EBF4: variants seen among roughly 807,000 people sequenced by gnomAD.
EBF4 encodes the protein EBF transcription factor 4.
In EBF4, 34 loss-of-function variants were observed where a neutral mutation model predicts 67.1. The observed-to-expected ratio is 0.51, with a 90% confidence interval of 0.39 to 0.67. The LOEUF is 0.67. Ranked by LOEUF, EBF4 falls within the 30% of genes least tolerant of loss-of-function variation. The pLI, the probability that EBF4 is intolerant of heterozygous loss-of-function variation, is 0.00. For synonymous variants in EBF4, 387 were observed against 377.7 expected, an observed-to-expected ratio of 1.02 and a Z score of -0.29; for missense variants, 837 against 873.3, an observed-to-expected ratio of 0.96 and a Z score of 0.52.
intron 15 of EBF4, among the ~76,000 whole-genome samples, chr20:2,758,541 A>T (rs1174073820): frequency 6.6e-6 from 1 of 152,056 alleles, no homozygotes; most frequent in Non-Finnish European, 1.5e-5. Flanking sequence ...GGCACAGAGG[A>T]TGCTGTTGTG....
intron 6 of EBF4, among the ~76,000 whole-genome samples, chr20:2,724,891 G>C (rs1390980679): frequency 6.6e-6 from 1 of 152,164 alleles, no homozygotes; most frequent in African/African-American, 2.4e-5. Flanking sequence ...GCAACAGAGT[G>C]AGATCCTTTC....
At chr20:2,732,423 G>A (rs940870188) in intron 6 of EBF4, among the ~76,000 whole-genome samples, 5 of 152,198 alleles carry the variant, frequency 3.3e-5, no homozygotes. Context: ...CACCCGGACT[G>A]TTATTAGATA....
intron 6 of EBF4, among the ~76,000 whole-genome samples, chr20:2,726,806 A>G (rs371040719): frequency 1.1e-4 from 16 of 152,150 alleles, no homozygotes; most frequent in Non-Finnish European, 2.2e-4. Context: ...ATAACGTAAA[A>G]TTTTCCATCT....
At chr20:2,729,552 A>G (rs1425622496) in intron 6 of EBF4, among the ~76,000 whole-genome samples, 1 of 152,018 alleles carries the variant, frequency 6.6e-6, no homozygotes, top group Non-Finnish European at 1.5e-5. Flanking sequence ...CACACCCCAC[A>G]CTTCCTCCCC....
At chr20:2,744,822 A>G (rs1021732786) in intron 6 of EBF4, among the ~76,000 whole-genome samples, 5 of 152,148 alleles carry the variant, frequency 3.3e-5, no homozygotes, top group Non-Finnish European at 5.9e-5. Context: ...TAAATTTTCC[A>G]GTAGCCACAA....
In EBF4 at chr20:2,745,787, G is replaced by C. The variant is rs1023647645; in HGVS notation, c.558-2762G>C. Reference sequence around the variant, plus strand: ...GTGTGGAAGGATTTACCTACCCCGGGTCATGCAGAGAGTCCAGGCCTGGCC... The same window carrying C: ...GTGTGGAAGGATTTACCTACCCCGGCTCATGCAGAGAGTCCAGGCCTGGCC... On this transcript the variant is annotated intron_variant, in intron 6 of 16. Transcript: ENST00000609451. This position sits in a 1 kb window ranked among gnomAD's most constrained non-coding sequence, Gnocchi z 5.2. 6.6e-6 allele frequency among the ~76,000 whole-genome samples: 1 copy of C among 152,170 alleles called. No individual in the cohort carries two copies. The highest frequency in any genetic ancestry group is 2.1e-4 in the South Asian group (1 of 4,826).
intron 14 of EBF4, among the ~76,000 whole-genome samples, chr20:2,753,877 C>G (rs1027453477): frequency 1.8e-4 from 28 of 152,166 alleles, no homozygotes; most frequent in African/African-American, 6.5e-4. Flanking sequence ...CCCTGCCTCT[C>G]CTGGCTCTTT....
rs1175935585 is a variant in EBF4 at position 2,747,686 on chromosome 20, A to T, written c.558-863A>T. On this transcript the variant is annotated intron_variant, in intron 6 of 16. Coordinates refer to ENST00000609451, the Ensembl canonical transcript of EBF4. The surrounding 1 kb of genome is among the most constrained non-coding windows in gnomAD (Gnocchi z 4.6). ...GGTGAATTTGCTGGGGGCATCTGCT[A>T]TATGGGATGGCTTTACAGTATTTGC... is the stretch of plus-strand genomic sequence containing the variant. Among the ~76,000 whole-genome samples the T allele has an allele frequency of 6.6e-6, 1 of 152,178 alleles. No individual in the cohort carries two copies. Among genetic ancestry groups the T allele is most frequent in the East Asian group, 1.9e-4 (1 of 5,196 alleles).
At chr20:2,697,596 A>G (rs2087314784) in intron 1 of EBF4, among the ~76,000 whole-genome samples, 1 of 151,598 alleles carries the variant, frequency 6.6e-6, no homozygotes, top group Non-Finnish European at 1.5e-5. Context: ...GAGGGGCTGC[A>G]TACCCTTAAA....
chr20:2,726,238 G>A (rs2146434953), intron 6 of EBF4, among the ~76,000 whole-genome samples: 1 of 152,024 alleles, frequency 6.6e-6, no homozygotes, highest in East Asian at 1.9e-4. Flanking sequence ...GTTTTTCATG[G>A]GGAAATATGA....
intron 6 of EBF4, among the ~76,000 whole-genome samples, chr20:2,724,890 T>A (rs9974031): frequency 1.3e-5 from 2 of 152,152 alleles, no homozygotes; most frequent in Non-Finnish European, 2.9e-5. Context: ...GGCAACAGAG[T>A]GAGATCCTTT....
At chr20:2,715,903 C>T (rs2087602288) in intron 6 of EBF4, among the ~76,000 whole-genome samples, 1 of 152,076 alleles carries the variant, frequency 6.6e-6, no homozygotes, top group Admixed American at 6.5e-5. Context: ...CGCACGCCAT[C>T]ACACCCTGTT....
At chr20:2,698,295 A>C (rs959735785) in intron 1 of EBF4, among the ~76,000 whole-genome samples, 3 of 152,242 alleles carry the variant, frequency 2.0e-5, no homozygotes, top group Admixed American at 1.3e-4. Context: ...AGCAGGACCA[A>C]CTGGACACAG....
intron 6 of EBF4, among the ~76,000 whole-genome samples, chr20:2,746,672 T>A (rs1333905828): frequency 6.6e-6 from 1 of 152,218 alleles, no homozygotes; most frequent in African/African-American, 2.4e-5. Context: ...GAGGCAACTC[T>A]GGTGAATTAA....
At chr20:2,698,855 T>A (rs11698423) in intron 1 of EBF4, among the ~76,000 whole-genome samples, 28,013 of 151,284 alleles carry the variant, frequency 0.19, 2,712 homozygotes, top group East Asian at 0.3. Flanking sequence ...AGGAGTTAGG[T>A]TTTGGTGGGG....
intron 10 of EBF4, 76 bp downstream of exon 10, chr20:2,750,049 T>C (rs1600242659): frequency 6.8e-7 from 1 of 1,472,398 alleles, no homozygotes; most frequent in Non-Finnish European, 9.0e-7. Context: ...TCTCCGTTCT[T>C]GGTGATAGGA....
exon 8 of EBF4, chr20:2,749,470 A>G: frequency 6.5e-7 from 1 of 1,548,996 alleles, no homozygotes; most frequent in Non-Finnish European, 8.7e-7. Context: ...GTTTGTGCAC[A>G]ACAACTCCAA....
At position 2,739,579 on chromosome 20, in the gene EBF4, G is replaced by T. The variant is rs59197461; in HGVS notation, c.558-8970G>T. On this transcript the variant is annotated intron_variant, in intron 6 of 16. Coordinates refer to ENST00000609451, the Ensembl canonical transcript of EBF4. This position sits in a 1 kb window ranked among gnomAD's most constrained non-coding sequence, Gnocchi z 4.5. Reference sequence around the variant, plus strand: ...TGCCGCAGTGCCTAACACATAGAAGGTATTTAATAAATCTTTTTAAGTGGG... The same window carrying T: ...TGCCGCAGTGCCTAACACATAGAAGTTATTTAATAAATCTTTTTAAGTGGG... Among the ~76,000 whole-genome samples, 1,557 of 152,266 alleles carry T rather than the reference G, an allele frequency of 0.01. 24 individuals carry two copies. Among genetic ancestry groups the T allele is most frequent in the African/African-American group, 0.035 (1,474 of 41,544 alleles).
intron 6 of EBF4, among the ~76,000 whole-genome samples, chr20:2,715,713 T>C (rs1404378056): frequency 6.6e-6 from 1 of 152,204 alleles, no homozygotes; most frequent in Non-Finnish European, 1.5e-5. Flanking sequence ...CAGATTACTA[T>C]TGAAGTTGAA....
Sources: gnomAD v4.1 joint callset for allele counts (sites outside exome capture counted in the v4.1 genomes callset) on GRCh38, gnomAD v4.1.1 for gene constraint, Gnocchi (gnomAD v3.1) non-coding constraint, MANE v1.5 for transcripts, NCBI Gene and HGNC (gene_info 2026-07-23, HGNC 2026-07-21) for gene names.